Variants in CEP295 observed in about 807,000 individuals in gnomAD.
CEP295 encodes the protein centrosomal protein of 295 kDa.
In CEP295, 190 loss-of-function variants were observed where a neutral mutation model predicts 291.6. That is an observed-to-expected ratio of 0.65 (90% CI 0.58 to 0.73). CEP295 has a LOEUF of 0.73. Ranked by LOEUF, CEP295 falls within the 30% of genes least tolerant of loss-of-function variation. CEP295 has a pLI of 0.00. For synonymous variants in CEP295, 993 were observed against 1,038.8 expected (o/e 0.96, Z 0.85); for missense variants, 2,863 against 2,949.4 (o/e 0.97, Z 0.68).
intron 18 of CEP295, among the ~76,000 whole-genome samples, chr11:93,714,598 C>T (rs572390477): frequency 2.6e-5 from 4 of 152,288 alleles, no homozygotes; most frequent in African/African-American, 7.2e-5. Flanking sequence ...TGCTTGTACC[C>T]ATCCTTCTTG....
At chr11:93,677,450 A>G (rs935547413) in intron 6 of CEP295, among the ~76,000 whole-genome samples, 1 of 152,152 alleles carries the variant, frequency 6.6e-6, no homozygotes. Flanking sequence ...TCTTTGGCTG[A>G]AGAAGATTTA....
intron 18 of CEP295, among the ~76,000 whole-genome samples, chr11:93,714,482 C>CACAT (rs1319493973): frequency 6.6e-6 from 1 of 152,196 alleles, no homozygotes; most frequent in African/African-American, 2.4e-5. Context: ...ATCTCTTGAC[C>CACAT]ACATGTTCCA....
At chr11:93,711,782 A>T (rs1349011858) in intron 18 of CEP295, among the ~76,000 whole-genome samples, 1 of 151,134 alleles carries the variant, frequency 6.6e-6, no homozygotes, top group East Asian at 1.9e-4. Flanking sequence ...AAGTGCTGGG[A>T]TTACAGGCTT....
intron 1 of CEP295, among the ~76,000 whole-genome samples, chr11:93,664,504 A>G (rs1476603879): frequency 6.6e-6 from 1 of 152,244 alleles, no homozygotes; most frequent in African/African-American, 2.4e-5. Flanking sequence ...GGATGCATTA[A>G]AAGATTTTTT....
intron 9 of CEP295, among the ~76,000 whole-genome samples, chr11:93,685,555 A>T (rs764664597): frequency 6.6e-6 from 1 of 152,236 alleles, no homozygotes; most frequent in Non-Finnish European, 1.5e-5. Flanking sequence ...AAGCAGCAGC[A>T]GCTTAAGGTT....
chr11:93,675,833 G>A (rs1295946218), intron 6 of CEP295, among the ~76,000 whole-genome samples, 167 bp downstream of exon 6: 1 of 152,070 alleles, frequency 6.6e-6, no homozygotes, highest in Non-Finnish European at 1.5e-5. Context: ...TCAGGCATAT[G>A]ATGGTTTAAT....
chr11:93,723,719 G>A (rs1016331569), intron 21 of CEP295: 1 of 159,074 alleles, frequency 6.3e-6, no homozygotes, highest in African/African-American at 2.4e-5. Flanking sequence ...ACAATGTCTG[G>A]CCCATAGTAA....
In CEP295 at chr11:93,717,423, T is replaced by C. The variant is rs549497412; in HGVS notation, c.5750-3889T>C. Among the ~76,000 whole-genome samples, 3 of 152,336 alleles carry C rather than the reference T, an allele frequency of 2.0e-5. No homozygotes were observed. In the East Asian group the frequency reaches 5.8e-4, roughly 29 times the overall value. On this transcript the variant is annotated intron_variant, in intron 18 of 29. Transcript: ENST00000325212. The stretch of plus-strand genomic sequence containing the variant: ...ATACCATGGGCAACCACGAGGCATC[T>C]CAGTAAATGGCTATTTAGGAAGGAC...
intron 18 of CEP295, among the ~76,000 whole-genome samples, chr11:93,707,100 C>A (rs762745600): frequency 0.02 from 2,999 of 151,942 alleles, 61 homozygotes; most frequent in Middle Eastern, 0.024. Flanking sequence ...TATTAAATGC[C>A]AGTAAGAAGT....
chr11:93,721,186 A>T, intron 18 of CEP295, 126 bp from the exon 19 acceptor site: 1 of 630,440 alleles, frequency 1.6e-6, no homozygotes. Flanking sequence ...AGACAACTTT[A>T]AGAAGCAAAA....
At chr11:93,722,853 G>T (rs1227153070) in intron 20 of CEP295, 188 bp from the exon 21 acceptor site, 3 of 475,032 alleles carry the variant, frequency 6.3e-6, no homozygotes, top group African/African-American at 3.9e-5. Context: ...TGGGACTACA[G>T]GTGTGCGCCA....
chr11:93,673,077 G>A (rs576721535), intron 5 of CEP295, among the ~76,000 whole-genome samples: 13 of 152,216 alleles, frequency 8.5e-5, no homozygotes, highest in Admixed American at 5.2e-4. Flanking sequence ...AAGATTCTTC[G>A]TAGAGTGAAG....
chr11:93,708,141 G>T (rs992052437), intron 18 of CEP295, among the ~76,000 whole-genome samples: 2 of 152,024 alleles, frequency 1.3e-5, no homozygotes, highest in Non-Finnish European at 2.9e-5. Flanking sequence ...GGTAAATGGG[G>T]TATCCATCAC....
intron 5 of CEP295, among the ~76,000 whole-genome samples, chr11:93,674,189 C>T (rs1565434363): frequency 6.6e-6 from 1 of 152,136 alleles, no homozygotes; most frequent in Non-Finnish European, 1.5e-5. Context: ...TCTCAAACTC[C>T]TGACCTCAAG....
chr11:93,673,964 T>C (rs1950567637), intron 5 of CEP295, among the ~76,000 whole-genome samples: 1 of 149,392 alleles, frequency 6.7e-6, no homozygotes, highest in South Asian at 2.1e-4. Context: ...TTTTTTTTTT[T>C]CTTTTTGAGA....
In CEP295 at chr11:93,727,634, C is replaced by A. The variant is rs1473636787; in HGVS notation, c.7158C>A (p.Val2386=). The change falls in exon 24 of 30, where the codon GTC becomes GTA. Residue 2386 remains valine, a synonymous_variant. Transcript: ENST00000325212. ...GSFSLQSSIP[V]WETETGHGIM... ...TTTCATTACAGAGCTCTATACCAGT[C>A]TGGGTAAGTGAAATCAGTGTTGTAT... The A allele has an allele frequency of 2.5e-5, 38 of 1,525,814 alleles. No individual in the cohort carries two copies. Among genetic ancestry groups the A allele is most frequent in the Non-Finnish European group, 3.2e-5 (36 of 1,138,162 alleles). The allele number at this position is 1,525,814 out of a possible 1,614,324, so 94.5% of individuals were successfully genotyped here. A position where few individuals can be genotyped will look rare whatever the true frequency, so the allele number is the denominator to read the frequency against.
intron 5 of CEP295, among the ~76,000 whole-genome samples, chr11:93,671,513 G>A (rs1021684157): frequency 1.3e-5 from 2 of 152,044 alleles, no homozygotes; most frequent in Non-Finnish European, 1.5e-5. Context: ...ACTCTGTCCC[G>A]TATCTGGTAT....
rs1951992497 is a variant in CEP295 at position 93,698,955 on chromosome 11, A to C, written c.4043A>C (p.Gln1348Pro). The C allele has an allele frequency of 6.4e-7, 1 of 1,551,364 alleles. No homozygotes were observed. The highest frequency in any genetic ancestry group is 8.7e-7 in the Non-Finnish European group (1 of 1,146,994). ...LRISQLIQPQ[Q>P]DNLKALQEQL... ...ATATCGCAACTTATCCAGCCTCAAC[A>C]AGATAATTTGAAGGCACTTCAAGAA... The change falls in exon 15 of 30, where the codon CAA becomes CCA. Residue 1348 changes from glutamine to proline, a missense_variant. Coordinates refer to ENST00000325212, the MANE Select transcript of CEP295 (RefSeq NM_033395.2).
intron 17 of CEP295, among the ~76,000 whole-genome samples, chr11:93,706,500 C>T (rs533860832): frequency 4.6e-5 from 7 of 152,026 alleles, no homozygotes; most frequent in Non-Finnish European, 7.4e-5. Flanking sequence ...AAATTCTCCA[C>T]GAATTTTCTT....
Sources: allele counts gnomAD v4.1 joint callset (sites outside exome capture counted in the v4.1 genomes callset), GRCh38; gene constraint gnomAD v4.1.1; transcripts MANE v1.5; gene names NCBI Gene and HGNC (gene_info 2026-07-23, HGNC 2026-07-21).